CSMD1: variants seen among roughly 807,000 people sequenced by gnomAD.
CSMD1 encodes the protein CUB and Sushi multiple domains 1.
CSMD1 carries 213 observed loss-of-function variants against 417.5 expected under a neutral mutation model. The observed-to-expected ratio is 0.51, with a 90% CI of 0.46 to 0.57. The LOEUF (loss-of-function observed/expected upper bound fraction) is 0.57, where lower values mean the gene tolerates loss of function less well. Ranked by LOEUF, CSMD1 falls within the 20% of genes least tolerant of loss-of-function variation. The pLI is 0.00. For missense variants in CSMD1, 6,923 were observed against 4,529.7 expected, an observed-to-expected ratio of 1.53 and a Z score of -15.17; for synonymous variants, 2,862 against 1,736.8, an observed-to-expected ratio of 1.65 and a Z score of -16.11.
chr8:4,988,279 A>T (rs77169559), intron 1 of CSMD1, among the ~76,000 whole-genome samples: 1 of 152,230 alleles, frequency 6.6e-6, no homozygotes, highest in Non-Finnish European at 1.5e-5. Flanking sequence ...AATTATGAGC[A>T]TTAAGATGCA....
At chr8:4,901,924 G>T (rs1804896440) in intron 1 of CSMD1, among the ~76,000 whole-genome samples, 1 of 152,080 alleles carries the variant, frequency 6.6e-6, no homozygotes, top group South Asian at 2.1e-4. Flanking sequence ...TAAAAAGATT[G>T]TCAGTCAGAT....
chr8:3,511,792 C>A (rs1243094684), intron 10 of CSMD1, among the ~76,000 whole-genome samples: 5 of 149,996 alleles, frequency 3.3e-5, no homozygotes, highest in African/African-American at 1.2e-4. Flanking sequence ...CATAACATAA[C>A]ATAACATAAC....
intron 3 of CSMD1, among the ~76,000 whole-genome samples, chr8:4,287,872 G>A (rs115954770): frequency 1.2e-3 from 184 of 151,958 alleles, no homozygotes; most frequent in African/African-American, 4.1e-3. Flanking sequence ...TGAAAACAAG[G>A]GCAGTCTCAG....
intron 26 of CSMD1, among the ~76,000 whole-genome samples, chr8:3,236,773 T>C (rs763301055): frequency 6.6e-6 from 1 of 152,214 alleles, no homozygotes. Context: ...TTGCTGACTC[T>C]GAAGGTTTCT....
intron 3 of CSMD1, among the ~76,000 whole-genome samples, chr8:4,049,376 T>C (rs189781474): frequency 2.2e-3 from 334 of 151,896 alleles, no homozygotes; most frequent in Non-Finnish European, 3.8e-3. Context: ...CAATCAAAAA[T>C]CTCTGCAGAC....
chr8:3,748,792 T>C (rs758914107), intron 6 of CSMD1, among the ~76,000 whole-genome samples: 4 of 152,240 alleles, frequency 2.6e-5, no homozygotes, highest in Admixed American at 6.5e-5. Context: ...GTCTTCATTT[T>C]AATTAAAAGG....
chr8:3,756,903 C>T (rs974183963), intron 5 of CSMD1, among the ~76,000 whole-genome samples: 5 of 152,078 alleles, frequency 3.3e-5, no homozygotes, highest in Admixed American at 1.3e-4. Flanking sequence ...TCAAGCCATC[C>T]GCTTGCCTCA....
At chr8:4,469,978 C>G (rs1040756406) in intron 2 of CSMD1, among the ~76,000 whole-genome samples, 9 of 151,882 alleles carry the variant, frequency 5.9e-5, no homozygotes, top group East Asian at 1.9e-4. Flanking sequence ...CACCATCATC[C>G]TGCCTCAGCC....
At chr8:3,191,115 T>C (rs1430292095) in intron 33 of CSMD1, among the ~76,000 whole-genome samples, 1 of 152,228 alleles carries the variant, frequency 6.6e-6, no homozygotes, top group African/African-American at 2.4e-5. Context: ...CGTGCCATCA[T>C]GTTGCATTTA....
chr8:4,635,559 G>A (rs911033862), intron 2 of CSMD1, among the ~76,000 whole-genome samples: 7 of 152,032 alleles, frequency 4.6e-5, no homozygotes, highest in African/African-American at 1.4e-4. Context: ...TTTTTAACAA[G>A]CATTTTTTAA....
intron 1 of CSMD1, among the ~76,000 whole-genome samples, chr8:4,853,795 C>A (rs1020574486): frequency 1.3e-5 from 2 of 152,194 alleles, no homozygotes; most frequent in Admixed American, 1.3e-4. Flanking sequence ...CTGCACCCCA[C>A]AAAGCCACAG....
At chr8:3,834,769 G>A (rs1406009893) in intron 5 of CSMD1, among the ~76,000 whole-genome samples, 1 of 151,944 alleles carries the variant, frequency 6.6e-6, no homozygotes, top group African/African-American at 2.4e-5. Flanking sequence ...GGAATAGGAA[G>A]AGCTCAAGGC....
chr8:4,328,635 C>G lies in CSMD1; in HGVS notation c.415+91318G>C, dbSNP rs987967159. 4.1e-5 allele frequency among the ~76,000 whole-genome samples: 6 copies of G among 148,016 alleles called. No individual in the cohort carries two copies. In the South Asian group the frequency reaches 1.1e-3, roughly 26 times the overall value. ...TTGAAATATTTACCATGCTTACTTA[C>G]CAAGAATAACATCACTTTTTCTCTT... On this transcript the variant is annotated intron_variant, in intron 3 of 69. Transcript: ENST00000635120.
intron 3 of CSMD1, among the ~76,000 whole-genome samples, chr8:4,065,810 TGAG>T (rs1799215860): frequency 6.6e-6 from 1 of 152,192 alleles, no homozygotes; most frequent in African/African-American, 2.4e-5. Flanking sequence ...CTGTACTGCT[TGAG>T]GAGTTTTCTT....
At chr8:4,276,645 T>C (rs918687232) in intron 3 of CSMD1, among the ~76,000 whole-genome samples, 2 of 152,190 alleles carry the variant, frequency 1.3e-5, no homozygotes, top group African/African-American at 4.8e-5. Context: ...GAAGTAGTGA[T>C]TCAAAGTCTT....
At chr8:4,760,615 A>T (rs1264278386) in intron 1 of CSMD1, among the ~76,000 whole-genome samples, 1 of 152,222 alleles carries the variant, frequency 6.6e-6, no homozygotes, top group African/African-American at 2.4e-5. Context: ...AAAAATATAA[A>T]ATACAGCACA....
At chr8:4,024,405 G>T (rs967432328) in intron 4 of CSMD1, among the ~76,000 whole-genome samples, 5 of 152,044 alleles carry the variant, frequency 3.3e-5, no homozygotes, top group African/African-American at 1.2e-4. Flanking sequence ...TACTTTCATG[G>T]GAAAACTTTA....
At chr8:3,411,609 C>T (rs866549854) in intron 12 of CSMD1, among the ~76,000 whole-genome samples, 51 of 149,490 alleles carry the variant, frequency 3.4e-4, no homozygotes, top group Non-Finnish European at 4.9e-4. Flanking sequence ...CAGGTTGCTG[C>T]GAATGCCATT....
At chr8:4,494,843 G>A (rs1165520871) in intron 2 of CSMD1, among the ~76,000 whole-genome samples, 1 of 152,092 alleles carries the variant, frequency 6.6e-6, no homozygotes. Context: ...AATAGAGTCA[G>A]GGTAGGTAGC....
Sources: allele counts gnomAD v4.1 joint callset (sites outside exome capture counted in the v4.1 genomes callset), GRCh38; gene constraint gnomAD v4.1.1; transcripts MANE v1.5; gene names NCBI Gene and HGNC (gene_info 2026-07-23, HGNC 2026-07-21).